SAE1: variants seen among roughly 807,000 people sequenced by gnomAD.
SAE1 encodes the protein SUMO-activating enzyme subunit 1.
Under a neutral mutation model 40.6 loss-of-function variants are expected in SAE1, and 11 were observed. The observed-to-expected ratio is 0.27, with a 90% CI of 0.17 to 0.45. The LOEUF is 0.45. SAE1 is among the 20% of genes least tolerant of loss of function. The pLI, the probability that SAE1 is intolerant of heterozygous loss-of-function variation, is 1.00. For missense variants in SAE1, 373 were observed against 427.3 expected, an observed-to-expected ratio of 0.87 and a Z score of 1.12; for synonymous variants, 155 against 154.3, an observed-to-expected ratio of 1.00 and a Z score of -0.03.
At chr19:47,162,540 C>T (rs539006063) in intron 5 of SAE1, among the ~76,000 whole-genome samples, 3 of 152,212 alleles carry the variant, frequency 2.0e-5, no homozygotes, top group Non-Finnish European at 4.4e-5. Context: ...TTATGGTTGT[C>T]ATTTGTTAGA....
Position 47,131,250 on chromosome 19 carries a change from CTGAAGGG to C in SAE1, c.98+223_98+229del. ...AGGGCCGTTCCGAAGGATGGGAGCT[CTGAAGGG>C]GGCGTTGGGGAGTCCTGAGAGAGCG... On this transcript the variant is annotated intron_variant, in intron 1 of 8. Transcript: ENST00000270225. The C allele has an allele frequency of 3.3e-6, 4 of 1,194,902 alleles. No individual in the cohort carries two copies. In the South Asian group the frequency reaches 8.4e-5, roughly 25 times the overall value. The allele number at this position is 1,194,902 out of a possible 1,614,324, so 74.0% of individuals were successfully genotyped here. A position where few individuals can be genotyped will look rare whatever the true frequency, so the allele number is the denominator to read the frequency against.
Position 47,209,419 on chromosome 19 carries a change from A to G in SAE1, c.*168A>G. 1 of 1,189,906 alleles carries G rather than the reference A, an allele frequency of 8.4e-7. No individual in the cohort carries two copies. 73.7% of individuals were successfully genotyped at this position (1,189,906 alleles called of 1,614,324 possible). A position where few individuals can be genotyped will look rare whatever the true frequency, so the allele number is the denominator to read the frequency against. On this transcript the variant is annotated 3_prime_UTR_variant, in exon 9 of 9. Coordinates refer to ENST00000270225, the MANE Select transcript of SAE1 (RefSeq NM_005500.3). ...TGGTGCCGACGTGCTGCTTCCCATC[A>G]CCAGCAGCTGCTCGACAAGGGGCGC...
At chr19:47,154,635 C>T (rs1211663811) in intron 4 of SAE1, among the ~76,000 whole-genome samples, 1 of 151,814 alleles carries the variant, frequency 6.6e-6, no homozygotes, top group East Asian at 1.9e-4. Context: ...GCTGGGATTA[C>T]AGGCGCCCAC....
At position 47,169,855 on chromosome 19, in the gene SAE1, T is replaced by C. The variant is rs748612356; in HGVS notation, c.665T>C (p.Val222Ala). 3.7e-6 allele frequency: 6 copies of C among 1,613,998 alleles called. No homozygotes were observed. In the African/African-American group the frequency reaches 8.0e-5, roughly 22 times the overall value. Reference protein sequence around the residue: ...VFCPVKEALEVDWSSEKAKAA... With the variant: ...VFCPVKEALEADWSSEKAKAA... ...TGCCCTGTTAAAGAAGCCCTGGAGG[T>C]GGACTGGAGCAGTGAGAAAGCAAAG... Residue 222 changes from valine (V) to alanine (A), a missense_variant, in exon 6 of 9, where the codon GTG (valine) becomes GCG (alanine). Around this residue, in one of 3 missense-constraint regions of SAE1, gnomAD observed 351 missense variants for 390.6 expected, o/e 0.90. Coordinates refer to ENST00000270225, the MANE Select transcript of SAE1 (RefSeq NM_005500.3).
intron 6 of SAE1, chr19:47,180,361 G>A: frequency 2.4e-6 from 1 of 413,324 alleles, no homozygotes; most frequent in Non-Finnish European, 4.8e-6. Context: ...AGAATGATAG[G>A]GGCATGTCAA....
At chr19:47,178,573 G>T (rs1016147173) in intron 6 of SAE1, among the ~76,000 whole-genome samples, 1 of 152,080 alleles carries the variant, frequency 6.6e-6, no homozygotes, top group East Asian at 1.9e-4. Flanking sequence ...TTTTGGATTC[G>T]TGCAATTCTC....
chr19:47,174,335 A>G (rs907755164), intron 6 of SAE1, among the ~76,000 whole-genome samples: 1 of 150,668 alleles, frequency 6.6e-6, no homozygotes, highest in Non-Finnish European at 1.5e-5. Context: ...AAAGCACATA[A>G]CATAAAATTT....
chr19:47,176,903 T>A (rs2058472195), intron 6 of SAE1, among the ~76,000 whole-genome samples: 1 of 152,152 alleles, frequency 6.6e-6, no homozygotes, highest in Non-Finnish European at 1.5e-5. Flanking sequence ...GGCAAAAAAA[T>A]GACTTTGATT....
At chr19:47,202,956 A>G (rs1307898643) in intron 7 of SAE1, among the ~76,000 whole-genome samples, 1 of 152,170 alleles carries the variant, frequency 6.6e-6, no homozygotes, top group Non-Finnish European at 1.5e-5. Flanking sequence ...GATTGGAGGT[A>G]GTTCTGTAGG....
At chr19:47,150,781 T>C (rs980964343) in intron 3 of SAE1, among the ~76,000 whole-genome samples, 1 of 152,222 alleles carries the variant, frequency 6.6e-6, no homozygotes, top group African/African-American at 2.4e-5. Flanking sequence ...TTGTTAGAAA[T>C]ATCAAACTAC....
chr19:47,131,048 G>C lies in SAE1; in HGVS notation c.98+20G>C, dbSNP rs1397324364. 3.3e-6 allele frequency: 5 copies of C among 1,518,140 alleles called. No individual in the cohort carries two copies. Among genetic ancestry groups the C allele is most frequent in the Admixed American group, 4.7e-5 (2 of 42,660 alleles). The allele number at this position is 1,518,140 out of a possible 1,614,324, so 94.0% of individuals were successfully genotyped here. A position where few individuals can be genotyped will look rare whatever the true frequency, so the allele number is the denominator to read the frequency against. ...GAAACGGTCAGGGCCGGCGCGGCTT[G>C]AGGCCGCTAGGGTCTGGAGGGGGCG... On this transcript the variant is annotated intron_variant, in intron 1 of 8. Transcript: ENST00000270225.
rs529488255 is a variant in SAE1 at position 47,173,393 on chromosome 19, G to A, written c.733+3470G>A. Among the ~76,000 whole-genome samples the A allele has an allele frequency of 2.2e-4, 34 of 152,130 alleles. No homozygotes were observed. The East Asian group carries it at 3.1e-3, about 14-fold the overall frequency. On this transcript the variant is annotated intron_variant, in intron 6 of 8. Coordinates refer to ENST00000270225, the MANE Select transcript of SAE1 (RefSeq NM_005500.3). ...ACCACCTGTCCACCCCTCCAACCCCGTAACTTCTGATGCTGATGTCCAGTA... is the reference window on the plus strand; with the variant it reads ...ACCACCTGTCCACCCCTCCAACCCCATAACTTCTGATGCTGATGTCCAGTA...
Position 47,131,016 on chromosome 19 carries a change from A to G in SAE1, c.86A>G (p.Glu29Gly). The change falls in exon 1 of 9, where the codon GAG (glutamate) becomes GGG (glycine). Residue 29 changes from glutamate to glycine, a missense_variant. Physicochemically the swap from Glu to Gly is moderately conservative, Grantham distance 98. This residue lies in a region of SAE1 where 351 missense variants were observed against 390.6 expected (regional missense o/e 0.90). Transcript: ENST00000270225. ...CGGCAGATCCGCCTGTGGGGACTGG[A>G]GGCCCAGAAACGGTCAGGGCCGGCG... ...YDRQIRLWGL[E>G]AQKRLRASRV... 1 of 1,542,442 alleles carries G rather than the reference A, an allele frequency of 6.5e-7. No individual in the cohort carries two copies. Among genetic ancestry groups the G allele is most frequent in the East Asian group, 2.5e-5 (1 of 40,334 alleles).
intron 6 of SAE1, among the ~76,000 whole-genome samples, chr19:47,176,931 C>G (rs2058472353): frequency 6.6e-6 from 1 of 152,158 alleles, no homozygotes; most frequent in Non-Finnish European, 1.5e-5. Context: ...TTTGAGGTTA[C>G]TGTGAGTTTA....
At chr19:47,170,281 C>A (rs776125283) in intron 6 of SAE1, among the ~76,000 whole-genome samples, 7 of 148,458 alleles carry the variant, frequency 4.7e-5, no homozygotes, top group Non-Finnish European at 8.9e-5. Flanking sequence ...GGGGTGCAAT[C>A]TTGGCTCACT....
chr19:47,166,888 A>G (rs186710888), intron 5 of SAE1, among the ~76,000 whole-genome samples: 4 of 152,186 alleles, frequency 2.6e-5, no homozygotes, highest in Non-Finnish European at 5.9e-5. Context: ...TACTATCTTT[A>G]ACAATGGATT....
At chr19:47,139,416 G>T (rs918306507) in intron 1 of SAE1, among the ~76,000 whole-genome samples, 2 of 151,898 alleles carry the variant, frequency 1.3e-5, no homozygotes, top group African/African-American at 4.8e-5. Flanking sequence ...GAACTCATGG[G>T]CTCAAGTGAT....
In SAE1 at chr19:47,186,631, G is replaced by T. The variant is rs563875240; in HGVS notation, c.734-10602G>T. Among the ~76,000 whole-genome samples the T allele has an allele frequency of 2.0e-3, 307 of 152,256 alleles. 1 individual carries two copies. The highest frequency in any genetic ancestry group is 3.5e-3 in the Non-Finnish European group (238 of 68,018). ...TTTTTGAGCTCGTTTCTGAGAAAGT[G>T]CATGCTCCTTTTCCCCATCAACAAC... On this transcript the variant is annotated intron_variant, in intron 6 of 8. Transcript: ENST00000270225.
chr19:47,171,800 A>C (rs1224544873), intron 6 of SAE1, among the ~76,000 whole-genome samples: 1 of 151,970 alleles, frequency 6.6e-6, no homozygotes. Flanking sequence ...ACAGGGTTTC[A>C]CCATGTTGGC....
Sources: gnomAD v4.1 joint callset for allele counts (sites outside exome capture counted in the v4.1 genomes callset) on GRCh38, gnomAD v4.1.1 for gene constraint, gnomAD v4.1.1 regional missense constraint, MANE v1.5 for transcripts, NCBI Gene and HGNC (gene_info 2026-07-23, HGNC 2026-07-21) for gene names.